The following REPS1 variants were observed in gnomAD, a reference collection of about 807,000 sequenced individuals.
REPS1 encodes RALBP1 associated Eps domain containing 1, also known as ralBP1-associated Eps domain-containing protein 1.
Under a neutral mutation model 100.9 loss-of-function variants are expected in REPS1, and 39 were observed. The observed-to-expected ratio is 0.39, with a 90% CI of 0.30 to 0.50. REPS1 has a LOEUF of 0.50. Ranked by LOEUF, REPS1 falls within the 20% of genes least tolerant of loss-of-function variation. The pLI, the probability that REPS1 is intolerant of heterozygous loss-of-function variation, is 0.86. For missense variants in REPS1, 821 were observed against 968.5 expected, an observed-to-expected ratio of 0.85 and a Z score of 2.02; for synonymous variants, 324 against 340.3, an observed-to-expected ratio of 0.95 and a Z score of 0.53.
At chr6:138,974,548 G>A (rs1272765365) in intron 1 of REPS1, among the ~76,000 whole-genome samples, 1 of 152,088 alleles carries the variant, frequency 6.6e-6, no homozygotes, top group African/African-American at 2.4e-5. Flanking sequence ...AAAATGTAAG[G>A]TGCCTTTGGG....
intron 1 of REPS1, among the ~76,000 whole-genome samples, chr6:138,966,423 T>C (rs1784027230): frequency 6.6e-6 from 1 of 152,146 alleles, no homozygotes; most frequent in South Asian, 2.1e-4. Flanking sequence ...ATGATTATTA[T>C]AATAATGACA....
chr6:138,937,270 T>A (rs1398958119), intron 8 of REPS1, among the ~76,000 whole-genome samples: 1 of 152,014 alleles, frequency 6.6e-6, no homozygotes, highest in African/African-American at 2.4e-5. Flanking sequence ...CCAAACCATA[T>A]CAATTATAAA....
At chr6:138,966,419 A>T (rs1784026940) in intron 1 of REPS1, among the ~76,000 whole-genome samples, 1 of 152,208 alleles carries the variant, frequency 6.6e-6, no homozygotes, top group Non-Finnish European at 1.5e-5. Context: ...AAAGATGATT[A>T]TTATAATAAT....
intron 1 of REPS1, among the ~76,000 whole-genome samples, chr6:138,956,605 C>G (rs1264201926): frequency 6.6e-6 from 1 of 152,080 alleles, no homozygotes; most frequent in Non-Finnish European, 1.5e-5. Flanking sequence ...TAAGAATGAG[C>G]ACCTGACCCA....
intron 15 of REPS1, among the ~76,000 whole-genome samples, chr6:138,913,755 GAACT>G (rs1455000390): frequency 6.6e-6 from 1 of 152,178 alleles, no homozygotes; most frequent in Non-Finnish European, 1.5e-5. Flanking sequence ...CTGTTGTGCT[GAACT>G]AACTTGTTTT....
intron 2 of REPS1, among the ~76,000 whole-genome samples, chr6:138,947,301 T>A (rs570108856): frequency 1.2e-3 from 180 of 152,304 alleles, no homozygotes; most frequent in Non-Finnish European, 2.2e-3. Context: ...TATTTTAATA[T>A]TGTCTCTTAT....
intron 7 of REPS1, 22 bp from the exon 8 acceptor site, chr6:138,941,511 A>C: frequency 2.5e-6 from 4 of 1,602,930 alleles, no homozygotes; most frequent in Non-Finnish European, 3.4e-6. Flanking sequence ...GTTTATTGTG[A>C]ATATAATCAC....
chr6:138,920,197 A>G lies in REPS1; in HGVS notation c.1528+18T>C. 2 of 1,249,590 alleles carry G rather than the reference A, an allele frequency of 1.6e-6. No individual in the cohort carries two copies. The highest frequency in any genetic ancestry group is 2.9e-5 in the African/African-American group (2 of 67,836). 77.4% of individuals were successfully genotyped at this position (1,249,590 alleles called of 1,614,324 possible). On this transcript the variant is annotated intron_variant, in intron 12 of 19. Coordinates refer to ENST00000450536, the MANE Select transcript of REPS1 (RefSeq NM_001286611.2). The stretch of plus-strand genomic sequence containing the variant: ...AGACTTAGTAAACTTCAAATGGAAG[A>G]TGTAATACTTCACTTACCTACAGTA...
intron 8 of REPS1, among the ~76,000 whole-genome samples, chr6:138,931,724 G>T (rs766291507): frequency 2.3e-4 from 35 of 151,922 alleles, no homozygotes; most frequent in Admixed American, 7.2e-4. Context: ...AATTATTTAG[G>T]ATAAACAATA....
rs142793609 is a variant in REPS1 at position 138,987,297 on chromosome 6, C to A, written c.153+233G>T. On this transcript the variant is annotated intron_variant, in intron 1 of 19. Coordinates refer to ENST00000450536, the MANE Select transcript of REPS1 (RefSeq NM_001286611.2). ...TTCTCAGGGTCGTGGGGGATACCGGCTGAGGCTCTTCAGACCCCCACCACA... is the reference window on the plus strand; with the variant it reads ...TTCTCAGGGTCGTGGGGGATACCGGATGAGGCTCTTCAGACCCCCACCACA... Among the ~76,000 whole-genome samples, 35 of 152,352 alleles carry A rather than the reference C, an allele frequency of 2.3e-4. No homozygotes were observed. The East Asian group carries it at 4.8e-3, about 21-fold the overall frequency.
intron 19 of REPS1, 176 bp downstream of exon 19, chr6:138,907,312 AAGTGTGT>A: frequency 1.9e-5 from 2 of 105,680 alleles, no homozygotes; most frequent in East Asian, 8.0e-5. Flanking sequence ...AAAAAAAAAA[AAGTGTGT>A]GTGTGTGTGT....
At chr6:138,922,438 T>C (rs566656082) in intron 10 of REPS1, among the ~76,000 whole-genome samples, 19 of 152,226 alleles carry the variant, frequency 1.2e-4, no homozygotes, top group African/African-American at 4.3e-4. Context: ...TTCATGAGAG[T>C]CTAGTCTAGT....
At chr6:138,955,465 T>TAA (rs1783325799) in intron 1 of REPS1, among the ~76,000 whole-genome samples, 1 of 143,772 alleles carries the variant, frequency 7.0e-6, no homozygotes, top group East Asian at 2.0e-4. Context: ...AAAGTGTGTG[T>TAA]GTGTGTGTGT....
At position 138,987,881 on chromosome 6, in the gene REPS1, C is replaced by G. The variant is rs550195048; in HGVS notation, c.-199G>C. The G allele has an allele frequency of 4.1e-6, 2 of 486,044 alleles. No individual in the cohort carries two copies. The highest frequency in any genetic ancestry group is 1.0e-4 in the South Asian group (1 of 9,968). 30.1% of individuals were successfully genotyped at this position (486,044 alleles called of 1,614,324 possible). On this transcript the variant is annotated 5_prime_UTR_variant, in exon 1 of 20. Coordinates refer to ENST00000450536, the MANE Select transcript of REPS1 (RefSeq NM_001286611.2). ...GAGGAGGGGGCCCGGCTGCGCTCGC[C>G]GCGCCGCTGCCTGCGAGGCCCGGCG...
chr6:138,979,935 T>C lies in REPS1; in HGVS notation c.153+7595A>G, dbSNP rs534085763. ...GTATCTCTGAATTCCTCAAGATGTA[T>C]AGATCTCTCTAACAGGCCTACTTGA... is the stretch of plus-strand genomic sequence containing the variant. On this transcript the variant is annotated intron_variant, in intron 1 of 19. Transcript: ENST00000450536. 2.6e-5 allele frequency among the ~76,000 whole-genome samples: 4 copies of C among 152,290 alleles called. No homozygotes were observed. The East Asian group carries it at 5.8e-4, about 22-fold the overall frequency.
rs767022763 is a variant in REPS1 at position 138,908,686 on chromosome 6, G to A, written c.2198C>T (p.Ser733Leu). 6.2e-6 allele frequency: 10 copies of A among 1,614,158 alleles called. No individual in the cohort carries two copies. In the Admixed American group the frequency reaches 1.7e-4, roughly 27 times the overall value. ...TGATTACCTGGGAATAGAAGGTTGTGATGCAAGAACAGCAGCTAAGACACC... is the reference window on the plus strand; with the variant it reads ...TGATTACCTGGGAATAGAAGGTTGTAATGCAAGAACAGCAGCTAAGACACC... Reference protein sequence around the residue: ...KTGVLAAVLASQPSIPRSVGK... With the variant: ...KTGVLAAVLALQPSIPRSVGK... Residue 733 changes from serine to leucine, a missense_variant, in exon 18 of 20, where the codon TCA (serine) becomes TTA (leucine). Ser to Leu is a moderately radical substitution (Grantham distance 145, BLOSUM62 -2). This residue lies in a region of REPS1 where 757 missense variants were observed against 866.4 expected (regional missense o/e 0.87). Coordinates refer to ENST00000450536, the MANE Select transcript of REPS1 (RefSeq NM_001286611.2).
intron 1 of REPS1, among the ~76,000 whole-genome samples, chr6:138,969,795 G>A (rs1269349628): frequency 4.0e-5 from 6 of 150,144 alleles, no homozygotes; most frequent in African/African-American, 1.5e-4. Flanking sequence ...CATTATAGGT[G>A]CTATATAATT....
At chr6:138,920,139 C>A in intron 12 of REPS1, 76 bp downstream of exon 12, 1 of 789,906 alleles carries the variant, frequency 1.3e-6, no homozygotes, top group Non-Finnish European at 2.2e-6. Context: ...GTATTAAATG[C>A]ATACACATCT....
At chr6:138,934,945 G>A (rs1781713618) in intron 8 of REPS1, among the ~76,000 whole-genome samples, 1 of 152,156 alleles carries the variant, frequency 6.6e-6, no homozygotes, top group Non-Finnish European at 1.5e-5. Context: ...AACTACAAAT[G>A]TTAACTTTTT....
Sources: gnomAD v4.1 joint callset for allele counts (sites outside exome capture counted in the v4.1 genomes callset) on GRCh38, gnomAD v4.1.1 for gene constraint, gnomAD v4.1.1 regional missense constraint, MANE v1.5 for transcripts, NCBI Gene and HGNC (gene_info 2026-07-23, HGNC 2026-07-21) for gene names.